The following GREB1 variants were observed in gnomAD, a reference collection of about 807,000 sequenced individuals.
GREB1 encodes the protein growth regulating estrogen receptor binding 1, also known as protein GREB1.
Under a neutral mutation model 200.7 loss-of-function variants are expected in GREB1, and 106 were observed. That is an observed-to-expected ratio of 0.53 (90% CI 0.45 to 0.62). GREB1 has a LOEUF of 0.62. GREB1 is among the 20% of genes least tolerant of loss of function. The pLI is 0.00. For missense variants in GREB1, 2,243 were observed against 2,556.8 expected, an observed-to-expected ratio of 0.88 and a Z score of 2.65; for synonymous variants, 1,132 against 1,092.4, an observed-to-expected ratio of 1.04 and a Z score of -0.72.
chr2:11,521,582 G>A (rs1410748191), intron 1 of GREB1, among the ~76,000 whole-genome samples: 1 of 152,120 alleles, frequency 6.6e-6, no homozygotes, highest in Admixed American at 6.5e-5. Context: ...TATAAACTCG[G>A]CTGTTTCACT....
At chr2:11,581,322 A>G in intron 7 of GREB1, 1 of 372,776 alleles carries the variant, frequency 2.7e-6, no homozygotes, top group Non-Finnish European at 4.8e-6. Flanking sequence ...ATGAAAGGTC[A>G]GAGCACATCT....
Position 11,635,363 on chromosome 2 carries a change from G to C in GREB1, c.5304G>C (p.Gln1768His). 1 of 1,613,932 alleles carries C rather than the reference G, an allele frequency of 6.2e-7. No homozygotes were observed. Among genetic ancestry groups the C allele is most frequent in the Non-Finnish European group, 8.5e-7 (1 of 1,179,902 alleles). Residue 1768 changes from glutamine (Q) to histidine (H), a missense_variant, in exon 30 of 33, where the codon CAG becomes CAC. Transcript: ENST00000381486. Reference sequence around the variant, plus strand: ...ACCGCTTCAGCGTGATGAAGAAGCAGATCGTGGTGGGCGGCCACAGGTCCT... The same window carrying C: ...ACCGCTTCAGCGTGATGAAGAAGCACATCGTGGTGGGCGGCCACAGGTCCT... ...RFNRFSVMKK[Q>H]IVVGGHRSFH...
Position 11,576,448 on chromosome 2 carries a change from A to G in GREB1, c.550A>G (p.Lys184Glu). The G allele has an allele frequency of 6.2e-7, 1 of 1,614,068 alleles. No homozygotes were observed. Among genetic ancestry groups the G allele is most frequent in the African/African-American group, 1.3e-5 (1 of 75,072 alleles). The stretch of plus-strand genomic sequence containing the variant: ...AAATCTGAAACTGACCACTCAACCC[A>G]AGAAGCAGAAACACTTGAAGTATTA... Reference protein sequence around the residue: ...HINLKLTTQPKKQKHLKYYLV... With the variant: ...HINLKLTTQPEKQKHLKYYLV... Residue 184 changes from lysine to glutamate, a missense_variant, in exon 5 of 33, where the codon AAG becomes GAG. Physicochemically the swap from Lys to Glu is moderately conservative, Grantham distance 56. Transcript: ENST00000381486.
chr2:11,504,505 A>G (rs1386843310), intron 1 of GREB1, among the ~76,000 whole-genome samples: 1 of 152,210 alleles, frequency 6.6e-6, no homozygotes, highest in Non-Finnish European at 1.5e-5. Context: ...TCCACTACCC[A>G]AAAAGAAATC....
At chr2:11,499,585 T>C (rs1265396721) in intron 1 of GREB1, among the ~76,000 whole-genome samples, 1 of 152,246 alleles carries the variant, frequency 6.6e-6, no homozygotes, top group East Asian at 1.9e-4. Context: ...TGAGGAAAAT[T>C]TGTTGATTTA....
intron 2 of GREB1, 55 bp downstream of exon 2, chr2:11,556,826 T>G: frequency 3.0e-6 from 4 of 1,337,764 alleles, no homozygotes; most frequent in Non-Finnish European, 4.1e-6. Context: ...GCGCAGTTAA[T>G]GTTAGCACCA....
At chr2:11,508,226 A>G (rs1340779387) in intron 1 of GREB1, among the ~76,000 whole-genome samples, 4 of 152,048 alleles carry the variant, frequency 2.6e-5, no homozygotes, top group African/African-American at 4.8e-5. Flanking sequence ...TCCAATTTCT[A>G]TCCCTAGATC....
chr2:11,625,396 G>A, intron 24 of GREB1, 84 bp downstream of exon 24: 2 of 1,347,246 alleles, frequency 1.5e-6, no homozygotes, highest in Non-Finnish European at 2.1e-6. Flanking sequence ...TGTTAGGCAT[G>A]AAATCAGGTG....
intron 1 of GREB1, among the ~76,000 whole-genome samples, chr2:11,488,059 G>A (rs1672694976): frequency 6.6e-6 from 1 of 152,186 alleles, no homozygotes; most frequent in South Asian, 2.1e-4. Context: ...AGCTTCCTTT[G>A]ACGTTGACTT....
chr2:11,609,035 A>G (rs987983746), intron 17 of GREB1, among the ~76,000 whole-genome samples: 1 of 152,078 alleles, frequency 6.6e-6, no homozygotes, highest in South Asian at 2.1e-4. Context: ...TTTGTCTCAC[A>G]TTGTTAGGAT....
Position 11,640,566 on chromosome 2 carries a change from C to A in GREB1, c.*112C>A. The A allele has an allele frequency of 7.8e-7, 1 of 1,276,520 alleles. No individual in the cohort carries two copies. The highest frequency in any genetic ancestry group is 1.1e-6 in the Non-Finnish European group (1 of 894,924). The allele number at this position is 1,276,520 out of a possible 1,614,324, so 79.1% of individuals were successfully genotyped here. A position where few individuals can be genotyped will look rare whatever the true frequency, so the allele number is the denominator to read the frequency against. On this transcript the variant is annotated 3_prime_UTR_variant, in exon 33 of 33. Transcript: ENST00000381486. The surrounding 1 kb of genome is among the most constrained non-coding windows in gnomAD (Gnocchi z 4.6). ...GTTTGACTGGAATGGACCCCAGGGA[C>A]TGTCCAGGTGCAGCCCCTCCTAGTA...
At chr2:11,577,508 A>G (rs912464677) in intron 5 of GREB1, among the ~76,000 whole-genome samples, 1 of 152,064 alleles carries the variant, frequency 6.6e-6, no homozygotes, top group South Asian at 2.1e-4. Context: ...CTGCCCTCCC[A>G]CCCTTCTTTG....
Position 11,592,952 on chromosome 2 carries a change from G to A in GREB1, c.1522G>A (p.Ala508Thr). The A allele has an allele frequency of 6.3e-7, 1 of 1,588,784 alleles. No homozygotes were observed. Among genetic ancestry groups the A allele is most frequent in the Admixed American group, 1.8e-5 (1 of 56,938 alleles). The change falls in exon 11 of 33, where the codon GCC becomes ACC. Residue 508 changes from alanine to threonine, a missense_variant. Ala to Thr is a moderately conservative substitution (Grantham distance 58, BLOSUM62 0). Around this residue, in one of 3 missense-constraint regions of GREB1, gnomAD observed 1,178 missense variants for 1,387.4 expected, o/e 0.85. Transcript: ENST00000381486. ...GCAGCTGCCCTGGCTGGCCAGCCTG[G>A]CCGCCAGCTCCTGCAACGACAGCGT... ...SAQLPWLASL[A>T]ASSCNDSVHV...
At chr2:11,501,868 T>C (rs1673046942) in intron 1 of GREB1, among the ~76,000 whole-genome samples, 2 of 145,990 alleles carry the variant, frequency 1.4e-5, no homozygotes, top group Admixed American at 1.4e-4. Flanking sequence ...GGAACTGATT[T>C]CTTACTTATT....
intron 1 of GREB1, among the ~76,000 whole-genome samples, chr2:11,488,195 G>A (rs1050209076): frequency 1.3e-5 from 2 of 152,124 alleles, no homozygotes; most frequent in African/African-American, 4.8e-5. Flanking sequence ...AGACCAACTC[G>A]GAAACTCGGG....
rs77446240 is a variant in GREB1, at chr2:11,521,353, G to A, written c.-158-35104G>A. ...TTGAACTCCTGGGCCCAAGCAATTGGCCTACCCTGGTCTCCTAAAATGCCG... is the reference window on the plus strand; with the variant it reads ...TTGAACTCCTGGGCCCAAGCAATTGACCTACCCTGGTCTCCTAAAATGCCG... On this transcript the variant is annotated intron_variant, in intron 1 of 2. Coordinates refer to the GREB1 transcript ENST00000628795. 4.5e-3 allele frequency among the ~76,000 whole-genome samples: 684 copies of A among 152,162 alleles called. 10 individuals are homozygous for A. The highest frequency in any genetic ancestry group is 0.016 in the African/African-American group (654 of 41,514).
At chr2:11,518,445 C>T (rs12477087) in intron 1 of GREB1, among the ~76,000 whole-genome samples, 68,263 of 151,396 alleles carry the variant, frequency 0.45, 17,268 homozygotes, top group East Asian at 0.72. Flanking sequence ...GTTTTGAGTT[C>T]CAGAAACCTA....
intron 1 of GREB1, among the ~76,000 whole-genome samples, chr2:11,495,927 C>T (rs999588902): frequency 2.6e-5 from 4 of 151,930 alleles, no homozygotes; most frequent in African/African-American, 4.8e-5. Flanking sequence ...GTCTTTGCAG[C>T]AGCCTTGGGA....
In GREB1 at chr2:11,562,505, A is replaced by C; in HGVS notation, c.200A>C (p.Glu67Ala). 6.2e-7 allele frequency: 1 copy of C among 1,608,746 alleles called. No individual in the cohort carries two copies. The highest frequency in any genetic ancestry group is 8.5e-7 in the Non-Finnish European group (1 of 1,177,596). ...VDNEEEEEEGEGGLETNGPPN... is the reference protein window; with the variant it reads ...VDNEEEEEEGAGGLETNGPPN... ...AATGAGGAAGAGGAAGAAGAGGGAG[A>C]AGGAGGGCTGGAAACAAATGGCCCC... Residue 67 changes from glutamate to alanine, a missense_variant, in exon 3 of 33, where the codon GAA becomes GCA. This residue lies in a region of GREB1 where 1,178 missense variants were observed against 1,387.4 expected (regional missense o/e 0.85). Transcript: ENST00000381486.
Sources: allele counts gnomAD v4.1 joint callset (sites outside exome capture counted in the v4.1 genomes callset), GRCh38; gene constraint gnomAD v4.1.1; regional missense constraint gnomAD v4.1.1; non-coding constraint Gnocchi (gnomAD v3.1); transcripts MANE v1.5; gene names NCBI Gene and HGNC (gene_info 2026-07-23, HGNC 2026-07-21).